Variants in ACLY observed in about 807,000 individuals in gnomAD.
ACLY encodes the protein ATP citrate lyase.
ACLY carries 41 observed loss-of-function variants against 133.0 expected under a neutral mutation model. The observed-to-expected ratio is 0.31, with a 90% CI of 0.24 to 0.40. The LOEUF (loss-of-function observed/expected upper bound fraction) is 0.40. ACLY is among the 10% of genes least tolerant of loss of function. The pLI, the probability that ACLY is intolerant of heterozygous loss-of-function variation, is 1.00. For synonymous variants in ACLY, 495 were observed against 549.3 expected (o/e 0.90, Z 1.38); for missense variants, 1,046 against 1,453.8 (o/e 0.72, Z 4.56).
chr17:41,907,523 G>A lies in ACLY; in HGVS notation c.666C>T (p.Asp222=), dbSNP rs782814333. 14 of 1,613,866 alleles carry A rather than the reference G, an allele frequency of 8.7e-6. No homozygotes were observed. Among genetic ancestry groups the A allele is most frequent in the East Asian group, 4.5e-5 (2 of 44,860 alleles). ...CTTTGCAGATGTAGTCGGCAGTGGC[G>A]TCCACCTTGGCCGCCAAGTCAAGGA... The part of the protein sequence containing the change: ...VYVLDLAAKV[D]ATADYICKVK... The change falls in exon 7 of 29, where the codon GAC becomes GAT. Residue 222 remains aspartate, a synonymous_variant. Coordinates refer to ENST00000352035, the MANE Select transcript of ACLY (RefSeq NM_001096.3).
chr17:41,898,604 G>A (rs782538991), intron 12 of ACLY, 27 bp downstream of exon 12: 7 of 1,610,208 alleles, frequency 4.3e-6, no homozygotes, highest in Non-Finnish European at 3.4e-6. Context: ...GTTCCTTCCT[G>A]TAAGGTTTGG....
At chr17:41,889,871 A>C (rs2049159114) in intron 16 of ACLY, among the ~76,000 whole-genome samples, 1 of 151,844 alleles carries the variant, frequency 6.6e-6, no homozygotes, top group Non-Finnish European at 1.5e-5. Flanking sequence ...TTTTTAGTAG[A>C]GGCGGTGGCC....
chr17:41,910,252 A>G lies in ACLY; in HGVS notation c.315T>C (p.Phe105=). Reference sequence around the variant, plus strand: ...TGTGGGGGACGAAGGGCTCGATCAGAAAGTTCTTGAGGAAGCCTGTGGCCT... The same window carrying G: ...TGTGGGGGACGAAGGGCTCGATCAGGAAGTTCTTGAGGAAGCCTGTGGCCT... ...VGKATGFLKN[F]LIEPFVPHSQ... is the part of the protein sequence containing the mutation. Residue 105 remains phenylalanine, a synonymous_variant, in exon 4 of 29, where the codon TTT becomes TTC. Transcript: ENST00000352035. 6.2e-7 allele frequency: 1 copy of G among 1,613,910 alleles called. No homozygotes were observed. The highest frequency in any genetic ancestry group is 8.5e-7 in the Non-Finnish European group (1 of 1,179,940).
chr17:41,875,598 C>T (rs1265377257), intron 22 of ACLY, among the ~76,000 whole-genome samples: 15 of 152,074 alleles, frequency 9.9e-5, no homozygotes, highest in African/African-American at 3.1e-4. Context: ...CGCGCCGCCA[C>T]GCCTGACTGG....
rs146823754 is a variant in ACLY, at chr17:41,898,632, G to A, written c.1337C>T (p.Ser446Leu). 4.2e-5 allele frequency: 68 copies of A among 1,613,278 alleles called. No individual in the cohort carries two copies. The highest frequency in any genetic ancestry group is 6.7e-5 in the East Asian group (3 of 44,882). ...AGGTTTGGGGAGGCTGGAACCTACCGATGTGCTCCCGCTGGCGTTGAGGAG... is the reference window on the plus strand; with the variant it reads ...AGGTTTGGGGAGGCTGGAACCTACCAATGTGCTCCCGCTGGCGTTGAGGAG... ...NFLLNASGST[S>L]TPAPSRTASF... Residue 446 changes from serine (S) to leucine (L), a missense_variant and splice_region_variant, in exon 12 of 29, where the codon TCG becomes TTG. Around this residue, in one of 4 missense-constraint regions of ACLY, gnomAD observed 575 missense variants for 804.2 expected, o/e 0.71. Coordinates refer to ENST00000352035, the MANE Select transcript of ACLY (RefSeq NM_001096.3).
In ACLY at chr17:41,878,763, GGGGAGGCC is replaced by G. The variant is rs782436639; in HGVS notation, c.2393+26_2393+33del. On this transcript the variant is annotated intron_variant, in intron 21 of 28. Transcript: ENST00000352035. ...GTCTCAGGAGGGATTTGGAAAGGAG[GGGGAGGCC>G]GGCATCCTCCCCAAGGTCCACTTAC... 1.1e-5 allele frequency: 18 copies of G among 1,612,218 alleles called. No homozygotes were observed. In the South Asian group the frequency reaches 1.4e-4, roughly 13 times the overall value.
At chr17:41,913,102 A>G (rs2049951449) in intron 2 of ACLY, among the ~76,000 whole-genome samples, 1 of 152,202 alleles carries the variant, frequency 6.6e-6, no homozygotes, top group Non-Finnish European at 1.5e-5. Flanking sequence ...CACCACCACT[A>G]GTCCTAGGCT....
At chr17:41,874,775 G>A (rs1292668001) in intron 22 of ACLY, among the ~76,000 whole-genome samples, 4 of 150,502 alleles carry the variant, frequency 2.7e-5, no homozygotes, top group Admixed American at 6.6e-5. Flanking sequence ...AGGTTTCACC[G>A]TTTTAGCCAG....
At chr17:41,877,357 G>GA (rs35726439) in intron 22 of ACLY, among the ~76,000 whole-genome samples, 12,694 of 151,808 alleles carry the variant, frequency 0.084, 737 homozygotes, top group Non-Finnish European at 0.12. Flanking sequence ...TGGCCAGCCT[G>GA]GTCTCGAACT....
rs187398126 is a variant in ACLY at position 41,913,349 on chromosome 17, C to G, written c.159+366G>C. The stretch of plus-strand genomic sequence containing the variant: ...TCTACCATGTGCCAGGCACCAAGCA[C>G]GCTAAATGCTTCTTGCTAATCTTTA... On this transcript the variant is annotated intron_variant, in intron 2 of 28. Coordinates refer to ENST00000352035, the MANE Select transcript of ACLY (RefSeq NM_001096.3). Among the ~76,000 whole-genome samples the G allele has an allele frequency of 3.9e-5, 6 of 152,344 alleles. No homozygotes were observed. The South Asian group carries it at 1.0e-3, about 26-fold the overall frequency.
At chr17:41,868,205 G>A (rs540812491) in intron 28 of ACLY, among the ~76,000 whole-genome samples, 3 of 152,162 alleles carry the variant, frequency 2.0e-5, no homozygotes, top group East Asian at 3.9e-4. Flanking sequence ...TTGGGAGGCC[G>A]AGGTGGGCAG....
At chr17:41,892,597 G>A in intron 15 of ACLY, 150 bp from the exon 16 acceptor site, 1 of 695,224 alleles carries the variant, frequency 1.4e-6, no homozygotes, top group Non-Finnish European at 2.4e-6. Context: ...GATCCCCCAG[G>A]AATACTGACT....
Position 41,908,957 on chromosome 17 carries a change from T to C in ACLY, c.616+32A>G, listed in dbSNP as rs782721297. 3.2e-6 allele frequency: 5 copies of C among 1,574,764 alleles called. No individual in the cohort carries two copies. The East Asian group carries it at 1.1e-4, about 35-fold the overall frequency. ...AGGGCTGTCATAGGCACTGGGACCC[T>C]TGCCCCCTCCCAGCCAAGCACACCC... On this transcript the variant is annotated intron_variant, in intron 6 of 28. Transcript: ENST00000352035.
Position 41,906,586 on chromosome 17 carries a change from T to C in ACLY, c.808A>G (p.Asn270Asp). The change falls in exon 8 of 29, where the codon AAC (asparagine) becomes GAC (aspartate). Residue 270 changes from asparagine (N) to aspartate (D), a missense_variant. By Grantham distance (23) the Asn-to-Asp change is conservative. This residue lies in a region of ACLY where 575 missense variants were observed against 804.2 expected (regional missense o/e 0.71). Coordinates refer to ENST00000352035, the MANE Select transcript of ACLY (RefSeq NM_001096.3). ...SGASLKLTLLNPKGRIWTMVA... is the reference protein window; with the variant it reads ...SGASLKLTLLDPKGRIWTMVA... The stretch of plus-strand genomic sequence containing the variant: ...ATGGTCCAGATCCTCCCTTTGGGGT[T>C]CAGCAAGGTCAGCTTCAGGCTTGCC... The C allele has an allele frequency of 6.2e-7, 1 of 1,614,194 alleles. No homozygotes were observed. The highest frequency in any genetic ancestry group is 1.6e-4 in the Middle Eastern group (1 of 6,062).
chr17:41,878,070 G>C, intron 22 of ACLY, 33 bp downstream of exon 22: 1 of 1,443,408 alleles, frequency 6.9e-7, no homozygotes, highest in South Asian at 1.5e-5. Flanking sequence ...GATCTCCCTT[G>C]CTCACACTGT....
intron 18 of ACLY, 140 bp from the exon 19 acceptor site, chr17:41,884,414 C>A: frequency 1.7e-6 from 1 of 605,494 alleles, no homozygotes; most frequent in Non-Finnish European, 3.0e-6. Flanking sequence ...AGAGATGCCC[C>A]AGCAATAATG....
intron 19 of ACLY, 38 bp from the exon 20 acceptor site, chr17:41,883,270 T>C (rs782371439): frequency 5.1e-6 from 8 of 1,563,810 alleles, no homozygotes; most frequent in Non-Finnish European, 7.0e-6. Flanking sequence ...GCCAAGTTAG[T>C]GCAGCCCATC....
At chr17:41,913,627 C>T in intron 2 of ACLY, 88 bp downstream of exon 2, 1 of 1,423,848 alleles carries the variant, frequency 7.0e-7, no homozygotes, top group Non-Finnish European at 9.6e-7. Context: ...AACCCCATGA[C>T]CCTATCGGCA....
chr17:41,867,985 C>A, intron 28 of ACLY, 81 bp from the exon 29 acceptor site: 1 of 998,356 alleles, frequency 1.0e-6, no homozygotes, highest in Non-Finnish European at 1.5e-6. Context: ...GGAAATCTTT[C>A]TAACACACAA....
Sources: gnomAD v4.1 joint callset for allele counts (sites outside exome capture counted in the v4.1 genomes callset) on GRCh38, gnomAD v4.1.1 for gene constraint, gnomAD v4.1.1 regional missense constraint, MANE v1.5 for transcripts, NCBI Gene and HGNC (gene_info 2026-07-23, HGNC 2026-07-21) for gene names.